Variants in TENM1 observed in about 807,000 individuals in gnomAD.
TENM1 encodes teneurin-1.
In TENM1, 35 loss-of-function variants were observed where a neutral mutation model predicts 174.8. The ratio of observed to expected loss-of-function variants is 0.20; its 90% CI spans 0.15 to 0.27. The LOEUF is 0.27. Among genes scored for constraint, TENM1 ranks in the 10% least tolerant of loss-of-function variants. TENM1 has a pLI of 1.00. For missense variants in TENM1, 1,633 were observed against 2,130.1 expected, an observed-to-expected ratio of 0.77 and a Z score of 4.59; for synonymous variants, 781 against 798.7, an observed-to-expected ratio of 0.98 and a Z score of 0.37.
chrX:125,148,180 T>G, the TENM1 span, among the ~76,000 whole-genome samples: 1 of 110,912 alleles, frequency 9.0e-6, no homozygotes, highest in Non-Finnish European at 1.9e-5. Flanking sequence ...CTCACTATTC[T>G]CTCTCTTTGT....
At chrX:124,629,644 G>C (rs2050713916) in intron 11 of TENM1, among the ~76,000 whole-genome samples, 1 of 112,158 alleles carries the variant, frequency 8.9e-6, no homozygotes, top group Admixed American at 9.4e-5. Context: ...CTATTTTACA[G>C]GAGAGGCTCA....
intron 3 of TENM1, among the ~76,000 whole-genome samples, chrX:124,849,878 T>C (rs2056685485): frequency 8.9e-6 from 1 of 112,222 alleles, no homozygotes; most frequent in Non-Finnish European, 1.9e-5. Flanking sequence ...TTTTGTTTAC[T>C]ACTTTCTGAT....
the TENM1 span, among the ~76,000 whole-genome samples, chrX:125,187,078 T>C: frequency 2.7e-5 from 3 of 111,539 alleles, no homozygotes; most frequent in African/African-American, 6.5e-5. Context: ...CTGGCCAAGA[T>C]GGTGAAACCC....
chrX:125,039,672 A>G, the TENM1 span, among the ~76,000 whole-genome samples: 1 of 111,582 alleles, frequency 9.0e-6, no homozygotes, highest in Admixed American at 9.5e-5. Flanking sequence ...CAGAAAACAG[A>G]ATCAGATGCC....
At chrX:125,163,476 G>T in the TENM1 span, among the ~76,000 whole-genome samples, 2 of 111,233 alleles carry the variant, frequency 1.8e-5, no homozygotes, top group African/African-American at 6.5e-5. Context: ...GGATGGAGCA[G>T]TTCATGTTCC....
chrX:124,464,150 T>C (rs1157826664), intron 22 of TENM1, among the ~76,000 whole-genome samples: 2 of 111,184 alleles, frequency 1.8e-5, no homozygotes, highest in African/African-American at 6.5e-5. Context: ...GCTGTCATCC[T>C]AAGGAAGGCA....
chrX:124,804,451 C>A (rs1007905309), intron 3 of TENM1, among the ~76,000 whole-genome samples: 1 of 111,461 alleles, frequency 9.0e-6, no homozygotes, highest in African/African-American at 3.3e-5. Context: ...CCTTTGAAGT[C>A]ATTCAAAATC....
At chrX:125,185,105 G>A in the TENM1 span, among the ~76,000 whole-genome samples, 21 of 111,802 alleles carry the variant, frequency 1.9e-4, no homozygotes, top group East Asian at 5.6e-4. Flanking sequence ...AGGGTAGAAC[G>A]GAAGGGTAAA....
intron 11 of TENM1, among the ~76,000 whole-genome samples, chrX:124,592,379 T>A (rs1222129788): frequency 9.0e-6 from 1 of 110,927 alleles, no homozygotes. Flanking sequence ...ATTTTTGTAA[T>A]TATTTCCTTG....
At chrX:124,527,575 ACT>A (rs1428300517) in intron 16 of TENM1, among the ~76,000 whole-genome samples, 1 of 108,288 alleles carries the variant, frequency 9.2e-6, no homozygotes. Context: ...CTCATATCAC[ACT>A]CTCTACTAGG....
chrX:124,617,714 T>C (rs980915234), intron 11 of TENM1, among the ~76,000 whole-genome samples: 1 of 111,991 alleles, frequency 8.9e-6, no homozygotes, highest in Non-Finnish European at 1.9e-5. Flanking sequence ...TGAATTAAGT[T>C]TTTCTTCCTG....
At chrX:124,753,029 T>G (rs1285469418) in intron 3 of TENM1, among the ~76,000 whole-genome samples, 1 of 111,044 alleles carries the variant, frequency 9.0e-6, no homozygotes, top group Admixed American at 9.6e-5. Flanking sequence ...GTGAAGAAAG[T>G]CATTGGTAGC....
intron 18 of TENM1, among the ~76,000 whole-genome samples, chrX:124,510,474 A>G (rs1318695896): frequency 8.9e-6 from 1 of 112,142 alleles, no homozygotes; most frequent in Non-Finnish European, 1.9e-5. Flanking sequence ...TTCTTGATGT[A>G]ATTATTAACA....
chrX:124,415,938 C>T (rs1332205929), intron 25 of TENM1, among the ~76,000 whole-genome samples: 1 of 111,471 alleles, frequency 9.0e-6, no homozygotes, highest in Admixed American at 9.5e-5. Context: ...TATCAGTATA[C>T]AAATATGCTG....
intron 6 of TENM1, among the ~76,000 whole-genome samples, chrX:124,662,266 A>G (rs972472348): frequency 9.1e-6 from 1 of 109,488 alleles, no homozygotes; most frequent in Non-Finnish European, 1.9e-5. Flanking sequence ...CAGCCTGGCC[A>G]ATATGGTGAA....
the TENM1 span, among the ~76,000 whole-genome samples, chrX:124,977,874 G>A: frequency 9.3e-6 from 1 of 107,593 alleles, no homozygotes; most frequent in Non-Finnish European, 1.9e-5. Flanking sequence ...GTCACCTTCT[G>A]GGACTCACAT....
At chrX:124,497,327 C>T in intron 19 of TENM1, 62 bp from the exon 23 acceptor site, 1 of 1,099,832 alleles carries the variant, frequency 9.1e-7, no homozygotes, top group Non-Finnish European at 1.2e-6. Context: ...ATAATCTCAG[C>T]AATATTTTAA....
At chrX:125,030,805 A>T in the TENM1 span, among the ~76,000 whole-genome samples, 1 of 112,023 alleles carries the variant, frequency 8.9e-6, no homozygotes, top group African/African-American at 3.2e-5. Flanking sequence ...GTGGTCCCTT[A>T]GGACACTTAA....
intron 4 of TENM1, among the ~76,000 whole-genome samples, chrX:124,729,883 AT>A (rs1439643089): frequency 3.6e-5 from 4 of 111,013 alleles, no homozygotes; most frequent in Non-Finnish European, 7.6e-5. Context: ...TAGAGACAGA[AT>A]CTCCCTCTGT....
Sources: allele counts gnomAD v4.1 joint callset (sites outside exome capture counted in the v4.1 genomes callset), GRCh38; gene constraint gnomAD v4.1.1; transcripts MANE v1.5; gene names NCBI Gene and HGNC (gene_info 2026-07-23, HGNC 2026-07-21).